FBN1: variants seen among roughly 807,000 people sequenced by gnomAD.
The protein encoded by FBN1 is fibrillin-1.
Under a neutral mutation model 365.1 loss-of-function variants are expected in FBN1, and 29 were observed. That is an observed-to-expected ratio of 0.08 (90% confidence interval 0.06 to 0.11). The LOEUF (loss-of-function observed/expected upper bound fraction) is 0.11. Ranked by LOEUF, FBN1 falls within the 10% of genes least tolerant of loss-of-function variation. FBN1 has a pLI of 1.00. For synonymous variants in FBN1, 1,210 were observed against 1,270.5 expected (o/e 0.95, Z 1.01); for missense variants, 2,476 against 3,703.2 (o/e 0.67, Z 8.60).
At chr15:48,476,628 T>C (rs2043420441) in intron 32 of FBN1, 1 of 151,446 alleles carries the variant, frequency 6.6e-6, no homozygotes, top group Non-Finnish European at 1.4e-5. Context: ...TTTTTTTTTT[T>C]TGATGGAGTT....
chr15:48,484,174 T>C (rs2043487506), intron 30 of FBN1, among the ~76,000 whole-genome samples: 1 of 152,218 alleles, frequency 6.6e-6, no homozygotes, highest in Admixed American at 6.5e-5. Flanking sequence ...CGTCCACACC[T>C]GCTTAAAAGT....
chr15:48,526,521 T>A (rs1318249756), intron 8 of FBN1, among the ~76,000 whole-genome samples: 1 of 152,242 alleles, frequency 6.6e-6, no homozygotes. Flanking sequence ...GTACTGTTGT[T>A]TCACCAAGTA....
intron 53 of FBN1, among the ~76,000 whole-genome samples, chr15:48,434,955 C>T (rs973513670): frequency 2.0e-5 from 3 of 152,116 alleles, no homozygotes; most frequent in African/African-American, 7.2e-5. Flanking sequence ...CATCACCACG[C>T]TCAGGTAATT....
intron 2 of FBN1, among the ~76,000 whole-genome samples, chr15:48,614,854 A>G (rs1889620505): frequency 6.6e-6 from 1 of 152,176 alleles, no homozygotes; most frequent in South Asian, 2.1e-4. Flanking sequence ...TCCTGATGGA[A>G]TCATCTTCTG....
At chr15:48,414,336 T>G (rs937200842) in intron 64 of FBN1, among the ~76,000 whole-genome samples, 2 of 152,352 alleles carry the variant, frequency 1.3e-5, no homozygotes, top group Middle Eastern at 3.4e-3. Flanking sequence ...GATGTTTGTA[T>G]GTCAAGAAAT....
At chr15:48,449,068 C>T (rs2043180814) in intron 45 of FBN1, among the ~76,000 whole-genome samples, 175 bp from the exon 46 acceptor site, 2 of 152,036 alleles carry the variant, frequency 1.3e-5, no homozygotes, top group Non-Finnish European at 2.9e-5. Context: ...CAGGCATAGT[C>T]AGAGTATGTT....
intron 2 of FBN1, among the ~76,000 whole-genome samples, chr15:48,636,431 CAT>C (rs373194942): frequency 4.6e-5 from 7 of 152,166 alleles, no homozygotes; most frequent in Middle Eastern, 3.2e-3. Context: ...GGGATTAACA[CAT>C]GTGACCAGGG....
At chr15:48,610,302 G>A (rs766660642) in intron 4 of FBN1, among the ~76,000 whole-genome samples, 3 of 152,138 alleles carry the variant, frequency 2.0e-5, no homozygotes, top group African/African-American at 4.8e-5. Flanking sequence ...TTTTCTTCTT[G>A]TAAAGCAGGG....
chr15:48,476,932 G>A lies in FBN1; in HGVS notation c.3965-2282C>T, dbSNP rs963164613. Among the ~76,000 whole-genome samples the A allele has an allele frequency of 9.9e-5, 15 of 151,880 alleles. No homozygotes were observed. In the East Asian group the frequency reaches 1.7e-3, roughly 18 times the overall value. ...CGTGAACCACTGCGCCCAGCTGAGC[G>A]CATTTCTTTAGTCATATCAGGATTT... is the stretch of plus-strand genomic sequence containing the variant. On this transcript the variant is annotated intron_variant, in intron 32 of 65. Transcript: ENST00000316623.
chr15:48,636,564 G>A (rs778947505), intron 2 of FBN1, among the ~76,000 whole-genome samples: 2 of 152,116 alleles, frequency 1.3e-5, no homozygotes, highest in African/African-American at 2.4e-5. Flanking sequence ...GCTCCATCCC[G>A]GGGGCAGGTT....
At chr15:48,532,500 A>ATATGTGTGTGTGTG (rs778060954) in intron 8 of FBN1, among the ~76,000 whole-genome samples, 2 of 107,122 alleles carry the variant, frequency 1.9e-5, no homozygotes, top group East Asian at 3.5e-4. Flanking sequence ...GTATATATAT[A>ATATGTGTGTGTGTG]TGTGTATGTG....
intron 2 of FBN1, among the ~76,000 whole-genome samples, chr15:48,617,791 A>G (rs1173641181): frequency 6.6e-6 from 1 of 152,180 alleles, no homozygotes; most frequent in Non-Finnish European, 1.5e-5. Context: ...TCATTGCAAG[A>G]CTTGGCCTCT....
rs759021474 is a variant in FBN1 at position 48,421,682 on chromosome 15, G to A, written c.7575C>T (p.Asn2525=). 8 of 1,613,466 alleles carry A rather than the reference G, an allele frequency of 5.0e-6. No individual in the cohort carries two copies. The highest frequency in any genetic ancestry group is 1.7e-5 in the Admixed American group (1 of 59,938). The part of the protein sequence containing the change: ...FTQHHTSCID[N]NECTSDINLC... ...GATTGATGTCAGAGGTGCATTCATT[G>A]TTATCTATGAGAAGCAGTGGGGGCA... The change falls in exon 62 of 66, where the codon AAC becomes AAT. Residue 2525 remains asparagine, a synonymous_variant. Transcript: ENST00000316623.
At chr15:48,619,764 ATAAAATATGAT>A (rs1889730855) in intron 2 of FBN1, among the ~76,000 whole-genome samples, 1 of 151,994 alleles carries the variant, frequency 6.6e-6, no homozygotes, top group Non-Finnish European at 1.5e-5. Flanking sequence ...GACTATGGAA[ATAAAATATGAT>A]TAAGAAACAA....
At chr15:48,526,323 A>G (rs2043914629) in intron 8 of FBN1, 68 bp from the exon 9 acceptor site, 6 of 1,557,012 alleles carry the variant, frequency 3.9e-6, no homozygotes, top group Non-Finnish European at 5.3e-6. Context: ...CAGTAGAAGG[A>G]CTCAGATGTT....
At chr15:48,510,833 T>C (rs75640332) in intron 13 of FBN1, among the ~76,000 whole-genome samples, 5 of 152,310 alleles carry the variant, frequency 3.3e-5, no homozygotes, top group Non-Finnish European at 7.4e-5. Flanking sequence ...AGTGTTAAAA[T>C]AACAATAACT....
intron 58 of FBN1, 76 bp downstream of exon 58, chr15:48,427,491 T>G: frequency 6.8e-7 from 1 of 1,476,682 alleles, no homozygotes; most frequent in East Asian, 2.3e-5. Flanking sequence ...GCAAACTCCA[T>G]ATTTTCATCT....
chr15:48,497,477 T>G, intron 18 of FBN1, 86 bp from the exon 19 acceptor site: 1 of 1,330,040 alleles, frequency 7.5e-7, no homozygotes, highest in Non-Finnish European at 1.1e-6. Context: ...ACAATAAATG[T>G]AATGACCTTA....
intron 16 of FBN1, among the ~76,000 whole-genome samples, chr15:48,504,156 T>A (rs1230528406): frequency 6.6e-6 from 1 of 152,236 alleles, no homozygotes; most frequent in Non-Finnish European, 1.5e-5. Flanking sequence ...GCCAGATTGC[T>A]TCAGTTTTCT....
Sources: gnomAD v4.1 joint callset for allele counts (sites outside exome capture counted in the v4.1 genomes callset) on GRCh38, gnomAD v4.1.1 for gene constraint, MANE v1.5 for transcripts, NCBI Gene and HGNC (gene_info 2026-07-23, HGNC 2026-07-21) for gene names.